The following GRM8 variants were observed in gnomAD, a reference collection of about 807,000 sequenced individuals.
GRM8 encodes metabotropic glutamate receptor 8.
In GRM8, 47 loss-of-function variants were observed where a neutral mutation model predicts 87.2. The observed-to-expected ratio is 0.54, with a 90% CI of 0.43 to 0.69. GRM8 has a LOEUF of 0.69. Among genes scored for constraint, GRM8 ranks in the 30% least tolerant of loss-of-function variants. The probability of loss-of-function intolerance (pLI) is 0.00; values close to 1 mark genes in which losing one functional copy is unlikely to be tolerated. For synonymous variants in GRM8, 396 were observed against 404.5 expected, an observed-to-expected ratio of 0.98 and a Z score of 0.25; for missense variants, 1,019 against 1,139.2, an observed-to-expected ratio of 0.89 and a Z score of 1.52.
chr7:127,042,665 A>G (rs1171839125), intron 3 of GRM8, among the ~76,000 whole-genome samples: 1 of 152,226 alleles, frequency 6.6e-6, no homozygotes, highest in African/African-American at 2.4e-5. Context: ...AAACCCTAGA[A>G]GAAAACCTAG....
At chr7:126,707,898 G>T (rs1810705138) in intron 7 of GRM8, among the ~76,000 whole-genome samples, 1 of 152,008 alleles carries the variant, frequency 6.6e-6, no homozygotes, top group African/African-American at 2.4e-5. Flanking sequence ...TACCAAGTGG[G>T]ACTGTATCAA....
intron 8 of GRM8, among the ~76,000 whole-genome samples, chr7:126,568,506 C>G (rs1260861206): frequency 6.6e-6 from 1 of 152,102 alleles, no homozygotes; most frequent in Non-Finnish European, 1.5e-5. Flanking sequence ...TCCTCCCTCT[C>G]TCTCCCTCTG....
At chr7:126,584,576 G>A (rs1240405033) in intron 8 of GRM8, among the ~76,000 whole-genome samples, 5 of 152,180 alleles carry the variant, frequency 3.3e-5, no homozygotes, top group Non-Finnish European at 7.3e-5. Context: ...CTTTTCATGA[G>A]AAGCAAAATA....
At chr7:126,981,554 C>A (rs1811528768) in intron 3 of GRM8, among the ~76,000 whole-genome samples, 2 of 152,222 alleles carry the variant, frequency 1.3e-5, no homozygotes, top group South Asian at 4.2e-4. Context: ...TATAATGCCA[C>A]CAGTTAATCC....
chr7:126,996,685 T>C (rs558998143), intron 3 of GRM8, among the ~76,000 whole-genome samples: 68 of 152,102 alleles, frequency 4.5e-4, no homozygotes, highest in African/African-American at 1.6e-3. Context: ...ACAAAAACTA[T>C]AAGAAGAGAC....
At chr7:126,551,685 A>ATT (rs56412563) in intron 8 of GRM8, among the ~76,000 whole-genome samples, 1 of 149,450 alleles carries the variant, frequency 6.7e-6, no homozygotes, top group African/African-American at 2.5e-5. Flanking sequence ...ACCATACGTA[A>ATT]TTTTTTTTTT....
intron 9 of GRM8, among the ~76,000 whole-genome samples, chr7:126,513,194 T>A (rs1009269704): frequency 8.6e-5 from 13 of 151,402 alleles, no homozygotes; most frequent in Admixed American, 2.6e-4. Flanking sequence ...CTCTTGTTTT[T>A]AAAAAAAAAG....
chr7:126,780,540 G>A (rs1819944284), intron 6 of GRM8, among the ~76,000 whole-genome samples: 1 of 152,166 alleles, frequency 6.6e-6, no homozygotes, highest in Non-Finnish European at 1.5e-5. Context: ...TGCTGTCACA[G>A]AGTGACACTG....
chr7:126,457,681 G>A (rs1436107482), intron 9 of GRM8, among the ~76,000 whole-genome samples: 1 of 150,888 alleles, frequency 6.6e-6, no homozygotes, highest in African/African-American at 2.4e-5. Flanking sequence ...AAAAGTCATG[G>A]GCTAAAGCAG....
At chr7:127,026,752 T>C (rs2132264480) in intron 3 of GRM8, among the ~76,000 whole-genome samples, 1 of 152,328 alleles carries the variant, frequency 6.6e-6, no homozygotes, top group Non-Finnish European at 1.5e-5. Flanking sequence ...CCTTGCCAGA[T>C]GGGTGGATTG....
chr7:126,499,442 G>T (rs1413261574), intron 9 of GRM8, among the ~76,000 whole-genome samples: 1 of 151,130 alleles, frequency 6.6e-6, no homozygotes, highest in Non-Finnish European at 1.5e-5. Flanking sequence ...ATTATCGTAT[G>T]ATCCAACAAT....
intron 2 of GRM8, among the ~76,000 whole-genome samples, chr7:127,214,317 T>C (rs1386637456): frequency 3.3e-5 from 5 of 152,204 alleles, no homozygotes; most frequent in Admixed American, 6.5e-5. Flanking sequence ...ACTGGTTACA[T>C]AGTACATTAA....
chr7:127,087,963 C>A (rs905869290), intron 3 of GRM8, among the ~76,000 whole-genome samples: 4 of 152,030 alleles, frequency 2.6e-5, no homozygotes, highest in Non-Finnish European at 4.4e-5. Flanking sequence ...TGCTTCCTGA[C>A]AATCACACAT....
At chr7:127,135,778 A>T (rs1307283432) in intron 2 of GRM8, among the ~76,000 whole-genome samples, 2 of 152,162 alleles carry the variant, frequency 1.3e-5, no homozygotes, top group Non-Finnish European at 2.9e-5. Flanking sequence ...ATGATAAGAT[A>T]GGTCATTTTC....
At chr7:127,017,629 T>C (rs1430219836) in intron 3 of GRM8, among the ~76,000 whole-genome samples, 7 of 152,050 alleles carry the variant, frequency 4.6e-5, no homozygotes, top group Admixed American at 4.6e-4. Context: ...CTGATGCATG[T>C]CATTTGGAAC....
intron 8 of GRM8, among the ~76,000 whole-genome samples, chr7:126,572,093 A>G (rs1211495694): frequency 6.6e-6 from 1 of 152,202 alleles, no homozygotes; most frequent in Admixed American, 6.5e-5. Flanking sequence ...GACAGAAGAT[A>G]AAACGAAACT....
At chr7:126,539,845 C>T (rs1160593255) in intron 8 of GRM8, among the ~76,000 whole-genome samples, 2 of 151,676 alleles carry the variant, frequency 1.3e-5, no homozygotes, top group African/African-American at 4.8e-5. Flanking sequence ...AACTTAAAAA[C>T]TCATAGAAGA....
intron 2 of GRM8, among the ~76,000 whole-genome samples, chr7:127,162,273 G>A (rs1793163957): frequency 6.6e-6 from 1 of 152,162 alleles, no homozygotes; most frequent in Non-Finnish European, 1.5e-5. Context: ...AAGCCTTTGG[G>A]GCAGCCCCTT....
At chr7:127,211,302 G>A (rs985368575) in intron 2 of GRM8, among the ~76,000 whole-genome samples, 1 of 152,198 alleles carries the variant, frequency 6.6e-6, no homozygotes, top group African/African-American at 2.4e-5. Context: ...GAGTCCAAAA[G>A]CTGAAGAAGT....
Sources: allele counts gnomAD v4.1 joint callset (sites outside exome capture counted in the v4.1 genomes callset), GRCh38; gene constraint gnomAD v4.1.1; transcripts MANE v1.5; gene names NCBI Gene and HGNC (gene_info 2026-07-23, HGNC 2026-07-21).